Variants in NLGN1 observed in about 807,000 individuals in gnomAD.
NLGN1 encodes neuroligin-1.
In NLGN1, 12 loss-of-function variants were observed where a neutral mutation model predicts 65.5. The ratio of observed to expected loss-of-function variants is 0.18; its 90% CI spans 0.12 to 0.30. NLGN1 has a LOEUF of 0.30. NLGN1 is among the 10% of genes least tolerant of loss of function. The pLI, the probability that NLGN1 is intolerant of heterozygous loss-of-function variation, is 1.00. For missense variants in NLGN1, 750 were observed against 1,007.1 expected, an observed-to-expected ratio of 0.74 and a Z score of 3.46; for synonymous variants, 350 against 359.5, an observed-to-expected ratio of 0.97 and a Z score of 0.30.
chr3:173,879,363 A>G (rs1732788517), intron 4 of NLGN1, among the ~76,000 whole-genome samples: 1 of 152,180 alleles, frequency 6.6e-6, no homozygotes, highest in Non-Finnish European at 1.5e-5. Flanking sequence ...CACTGGGTCT[A>G]ATGCCATCTT....
chr3:173,967,221 G>A (rs939229943), intron 4 of NLGN1, among the ~76,000 whole-genome samples: 3 of 152,162 alleles, frequency 2.0e-5, no homozygotes, highest in Non-Finnish European at 4.4e-5. Context: ...GTACTCTAAG[G>A]CCTTTAAGCA....
chr3:174,196,623 C>T (rs951104877), intron 4 of NLGN1, among the ~76,000 whole-genome samples: 10 of 152,070 alleles, frequency 6.6e-5, no homozygotes, highest in African/African-American at 2.2e-4. Flanking sequence ...ACCCTTGTTT[C>T]TGTAACATTT....
At chr3:174,006,346 C>T (rs1301728805) in intron 4 of NLGN1, among the ~76,000 whole-genome samples, 1 of 152,180 alleles carries the variant, frequency 6.6e-6, no homozygotes, top group Non-Finnish European at 1.5e-5. Context: ...TACTGTTTTT[C>T]TGTCCCTCAT....
chr3:174,272,657 G>GGATGGATGGATAGATA (rs200915054), intron 4 of NLGN1, among the ~76,000 whole-genome samples: 1 of 119,938 alleles, frequency 8.3e-6, no homozygotes, highest in Admixed American at 8.5e-5. Context: ...ATGGATGGAT[G>GGATGGATGGATAGATA]GATGGATGGA....
intron 4 of NLGN1, among the ~76,000 whole-genome samples, chr3:174,256,116 T>C (rs1745706501): frequency 6.6e-6 from 1 of 152,238 alleles, no homozygotes. Flanking sequence ...AGTATAGTAA[T>C]AGAAGTCCTA....
intron 1 of NLGN1, among the ~76,000 whole-genome samples, chr3:173,410,395 G>C (rs1712282385): frequency 6.6e-6 from 1 of 152,198 alleles, no homozygotes; most frequent in African/African-American, 2.4e-5. Flanking sequence ...CATGGTGCTA[G>C]GCACAATGGA....
chr3:173,733,731 A>G (rs573182212), intron 3 of NLGN1, among the ~76,000 whole-genome samples: 1 of 152,242 alleles, frequency 6.6e-6, no homozygotes, highest in Non-Finnish European at 1.5e-5. Context: ...AATAGTGACT[A>G]ATTTATTCAG....
intron 4 of NLGN1, among the ~76,000 whole-genome samples, chr3:174,139,249 A>G (rs1286874785): frequency 2.6e-5 from 4 of 152,060 alleles, no homozygotes; most frequent in African/African-American, 9.7e-5. Flanking sequence ...CCGTCCTAAA[A>G]ATCTGTTGTA....
At chr3:174,014,977 T>C (rs1726265456) in intron 4 of NLGN1, among the ~76,000 whole-genome samples, 1 of 152,134 alleles carries the variant, frequency 6.6e-6, no homozygotes, top group African/African-American at 2.4e-5. Flanking sequence ...GGGGCAGGGC[T>C]AGGGGACAAA....
At chr3:173,475,853 ATGT>A (rs1208244756) in intron 2 of NLGN1, among the ~76,000 whole-genome samples, 1 of 152,200 alleles carries the variant, frequency 6.6e-6, no homozygotes, top group African/African-American at 2.4e-5. Flanking sequence ...CAACTGCAAG[ATGT>A]TGTTCAAAAT....
chr3:173,872,708 G>A (rs990088939), intron 4 of NLGN1, among the ~76,000 whole-genome samples: 4 of 152,018 alleles, frequency 2.6e-5, no homozygotes, highest in African/African-American at 7.2e-5. Context: ...AGGTCCTGCC[G>A]ACTTGCTTCA....
chr3:174,191,752 G>A (rs1223335266), intron 4 of NLGN1, among the ~76,000 whole-genome samples: 1 of 152,050 alleles, frequency 6.6e-6, no homozygotes, highest in Non-Finnish European at 1.5e-5. Context: ...AGGCTTCAGG[G>A]CTTAAACATG....
chr3:173,681,451 G>T (rs1402298694), intron 3 of NLGN1, among the ~76,000 whole-genome samples: 1 of 152,144 alleles, frequency 6.6e-6, no homozygotes, highest in Non-Finnish European at 1.5e-5. Flanking sequence ...GTAATTGTAA[G>T]TAGGTATTTT....
chr3:173,719,973 G>A (rs564218633), intron 3 of NLGN1, among the ~76,000 whole-genome samples: 1 of 152,016 alleles, frequency 6.6e-6, no homozygotes, highest in African/African-American at 2.4e-5. Flanking sequence ...AATTAGTCAG[G>A]CATGGTGGCA....
intron 3 of NLGN1, among the ~76,000 whole-genome samples, chr3:173,777,147 C>T (rs1780418609): frequency 6.6e-6 from 1 of 151,910 alleles, no homozygotes; most frequent in African/African-American, 2.4e-5. Flanking sequence ...ATAACAGTAC[C>T]TACCTAATAG....
Position 174,058,071 on chromosome 3 carries a change from C to A in NLGN1, c.647-217244C>A, listed in dbSNP as rs151026332. 5.3e-3 allele frequency among the ~76,000 whole-genome samples: 811 copies of A among 152,174 alleles called. 6 individuals are homozygous for A. Among genetic ancestry groups the A allele is most frequent in the Middle Eastern group, 0.048 (14 of 294 alleles). Reference sequence around the variant, plus strand: ...TGAAGTGACTGTTGAAATGCAGTAACAATTCAGATGGCAAGTGGTAACAAG... The same window carrying A: ...TGAAGTGACTGTTGAAATGCAGTAAAAATTCAGATGGCAAGTGGTAACAAG... On this transcript the variant is annotated intron_variant, in intron 4 of 6. Transcript: ENST00000457714.
At chr3:173,478,610 A>C (rs1241838578) in intron 2 of NLGN1, among the ~76,000 whole-genome samples, 1 of 152,220 alleles carries the variant, frequency 6.6e-6, no homozygotes, top group Non-Finnish European at 1.5e-5. Context: ...AAATAGGCCA[A>C]GTGAAACAAG....
chr3:173,494,343 G>GT (rs577655963), intron 2 of NLGN1, among the ~76,000 whole-genome samples: 32 of 149,304 alleles, frequency 2.1e-4, no homozygotes, highest in South Asian at 4.3e-4. Flanking sequence ...TTAGTGAAAT[G>GT]TTTTTTTTTC....
At chr3:173,917,688 C>T (rs917597333) in intron 4 of NLGN1, among the ~76,000 whole-genome samples, 6 of 152,110 alleles carry the variant, frequency 3.9e-5, no homozygotes, top group African/African-American at 1.2e-4. Flanking sequence ...GATGTCTAAG[C>T]CAAAGGTAAG....
Sources: allele counts gnomAD v4.1 joint callset (sites outside exome capture counted in the v4.1 genomes callset), GRCh38; gene constraint gnomAD v4.1.1; transcripts MANE v1.5; gene names NCBI Gene and HGNC (gene_info 2026-07-23, HGNC 2026-07-21).